Variants in SND1 observed in about 807,000 individuals in gnomAD.
SND1 encodes the protein staphylococcal nuclease and tudor domain containing 1.
Under a neutral mutation model 121.7 loss-of-function variants are expected in SND1, and 38 were observed. The ratio of observed to expected loss-of-function variants is 0.31; its 90% CI spans 0.24 to 0.41. The LOEUF is 0.41. Among genes scored for constraint, SND1 ranks in the 10% least tolerant of loss-of-function variants. The pLI, the probability that SND1 is intolerant of heterozygous loss-of-function variation, is 1.00. For synonymous variants in SND1, 401 were observed against 447.4 expected (o/e 0.90, Z 1.31); for missense variants, 868 against 1,184.6 (o/e 0.73, Z 3.92).
chr7:127,805,027 A>C (rs1031625554), intron 10 of SND1, among the ~76,000 whole-genome samples: 3 of 152,272 alleles, frequency 2.0e-5, no homozygotes, highest in South Asian at 4.1e-4. Flanking sequence ...CTGTCTGGCA[A>C]GCATTCTTAC....
At chr7:127,861,076 C>T (rs1372905773) in intron 12 of SND1, among the ~76,000 whole-genome samples, 1 of 152,144 alleles carries the variant, frequency 6.6e-6, no homozygotes, top group African/African-American at 2.4e-5. Flanking sequence ...AGGTATAACC[C>T]CATTTATGAC....
chr7:127,998,402 A>G (rs948119408), intron 16 of SND1: 3 of 162,512 alleles, frequency 1.8e-5, no homozygotes, highest in Non-Finnish European at 4.1e-5. Context: ...TGAGATAATG[A>G]TGAGTGTTTT....
chr7:127,829,829 T>G (rs1798707773), intron 11 of SND1, among the ~76,000 whole-genome samples: 1 of 152,156 alleles, frequency 6.6e-6, no homozygotes, highest in Admixed American at 6.5e-5. Flanking sequence ...TTATACAGAA[T>G]TTTTATAGGG....
chr7:127,720,865 T>C (rs533480021), intron 9 of SND1, among the ~76,000 whole-genome samples: 1 of 152,336 alleles, frequency 6.6e-6, no homozygotes, highest in African/African-American at 2.4e-5. Context: ...TTCTTTCTCA[T>C]CTAGTGCTGG....
intron 15 of SND1, among the ~76,000 whole-genome samples, chr7:127,977,526 G>C (rs190090353): frequency 6.6e-6 from 1 of 152,258 alleles, no homozygotes; most frequent in Admixed American, 6.5e-5. Context: ...ATAAGAAGCA[G>C]AACATTGTGT....
chr7:127,925,429 T>C (rs1800808633), intron 14 of SND1, among the ~76,000 whole-genome samples: 1 of 152,126 alleles, frequency 6.6e-6, no homozygotes, highest in South Asian at 2.1e-4. Context: ...ATCCCAGACC[T>C]TATGTAAGGA....
At chr7:127,656,123 A>G (rs1481051500) in intron 1 of SND1, among the ~76,000 whole-genome samples, 1 of 152,122 alleles carries the variant, frequency 6.6e-6, no homozygotes, top group East Asian at 1.9e-4. Context: ...AAGGGACACA[A>G]GGGAGGAAAG....
chr7:127,754,458 TC>T (rs1797158478), intron 10 of SND1, among the ~76,000 whole-genome samples: 2 of 152,234 alleles, frequency 1.3e-5, no homozygotes, highest in South Asian at 4.1e-4. Context: ...CACTCATATG[TC>T]CATAATAGGT....
intron 10 of SND1, among the ~76,000 whole-genome samples, chr7:127,742,949 GT>G (rs1261848236): frequency 6.6e-6 from 1 of 152,176 alleles, no homozygotes; most frequent in Admixed American, 6.5e-5. Flanking sequence ...TGGTTTATCT[GT>G]TGTGAGGTAG....
chr7:127,739,063 G>T (rs1296710809), intron 10 of SND1, among the ~76,000 whole-genome samples: 1 of 152,310 alleles, frequency 6.6e-6, no homozygotes, highest in East Asian at 1.9e-4. Context: ...CTCTGGTTCA[G>T]TTCTGATGAA....
At chr7:128,030,918 A>G in intron 16 of SND1, 2 of 348,596 alleles carry the variant, frequency 5.7e-6, no homozygotes, top group South Asian at 1.4e-4. Context: ...CCTACCTCGG[A>G]AGGAAGGCAG....
At chr7:127,884,496 C>T (rs931303516) in intron 12 of SND1, among the ~76,000 whole-genome samples, 4 of 152,154 alleles carry the variant, frequency 2.6e-5, no homozygotes, top group African/African-American at 9.6e-5. Context: ...AACAGAGATA[C>T]TAAGGCAGGC....
Position 127,764,720 on chromosome 7 carries a change from T to C in SND1, c.1153-42764T>C, listed in dbSNP as rs536317764. Among the ~76,000 whole-genome samples, 11 of 152,356 alleles carry C rather than the reference T, an allele frequency of 7.2e-5. No individual in the cohort carries two copies. In the South Asian group the frequency reaches 2.3e-3, roughly 32 times the overall value. ...AAAGGATTTGGAATCTGAAAAAGAA[T>C]AATGTCTAACTTGGTACCAAATAAT... On this transcript the variant is annotated intron_variant, in intron 10 of 23. Transcript: ENST00000354725.
chr7:127,982,097 A>T (rs1378752503), intron 15 of SND1, among the ~76,000 whole-genome samples: 2 of 152,222 alleles, frequency 1.3e-5, no homozygotes, highest in Non-Finnish European at 2.9e-5. Flanking sequence ...TCTACCATTA[A>T]CAGGCGAACA....
intron 1 of SND1, among the ~76,000 whole-genome samples, chr7:127,666,566 G>C (rs1409488039): frequency 6.6e-6 from 1 of 151,742 alleles, no homozygotes; most frequent in Non-Finnish European, 1.5e-5. Flanking sequence ...TTAATTATTT[G>C]TTATTCATTG....
intron 12 of SND1, among the ~76,000 whole-genome samples, chr7:127,867,944 TC>T (rs1398916775): frequency 1.6e-4 from 25 of 152,096 alleles, no homozygotes; most frequent in South Asian, 1.2e-3. Context: ...CTTAATCTGC[TC>T]TCTGCCTGGA....
At position 128,068,848 on chromosome 7, in the gene SND1, C is replaced by T. The variant is rs1793361061; in HGVS notation, c.1780-5654C>T. Among the ~76,000 whole-genome samples, 3 of 152,188 alleles carry T rather than the reference C, an allele frequency of 2.0e-5. No homozygotes were observed. The South Asian group carries it at 6.2e-4, about 31-fold the overall frequency. ...AGACATGGAAATTAACAGCCTGTGC[C>T]GTTTGTATTAATTTGGTAAATAAGC... On this transcript the variant is annotated intron_variant, in intron 16 of 23. Transcript: ENST00000354725.
intron 9 of SND1, among the ~76,000 whole-genome samples, chr7:127,711,895 T>C (rs1796304202): frequency 1.3e-5 from 2 of 152,138 alleles, no homozygotes; most frequent in Admixed American, 6.5e-5. Context: ...AATAAAGTTT[T>C]ATACTGACTT....
chr7:127,857,820 G>A (rs533460644), intron 12 of SND1: 292 of 845,424 alleles, frequency 3.5e-4, no homozygotes, highest in Middle Eastern at 6.8e-4. Context: ...GGAAAGAAGG[G>A]CCCACCAAAC....
Sources: allele counts gnomAD v4.1 joint callset (sites outside exome capture counted in the v4.1 genomes callset), GRCh38; gene constraint gnomAD v4.1.1; transcripts MANE v1.5; gene names NCBI Gene and HGNC (gene_info 2026-07-23, HGNC 2026-07-21).